BCAR3: variants seen among roughly 807,000 people sequenced by gnomAD.
BCAR3 encodes breast cancer anti-estrogen resistance protein 3.
A neutral mutation model predicts 80.1 loss-of-function variants in BCAR3; 37 were observed. The observed-to-expected ratio is 0.46, with a 90% CI of 0.36 to 0.61. The LOEUF is 0.61. Ranked by LOEUF, BCAR3 falls within the 20% of genes least tolerant of loss-of-function variation. BCAR3 has a pLI of 0.00. For missense variants in BCAR3, 978 were observed against 1,068.2 expected, an observed-to-expected ratio of 0.92 and a Z score of 1.18; for synonymous variants, 389 against 418.9, an observed-to-expected ratio of 0.93 and a Z score of 0.87.
chr1:93,786,192 C>CAAAAAAAAAAAAAAAAA lies in BCAR3; in HGVS notation c.-63+59358_-63+59374dup, dbSNP rs61644309. Among the ~76,000 whole-genome samples the CAAAAAAAAAAAAAAAAA allele has an allele frequency of 4.7e-4, 11 of 23,248 alleles. 3 individuals are homozygous for CAAAAAAAAAAAAAAAAA. The highest frequency in any genetic ancestry group is 6.4e-4 in the Non-Finnish European group (9 of 14,020). 15.3% of individuals were successfully genotyped at this position (23,248 alleles called of 152,430 possible). Reference sequence around the variant, plus strand: ...TGGGCGTCAGAGCGAGACTCCGTCTCAAAAAAAAAAAAAAAAAAAAAAAAA... The same window carrying CAAAAAAAAAAAAAAAAA: ...TGGGCGTCAGAGCGAGACTCCGTCTCAAAAAAAAAAAAAAAAAAAAAAAAAAAAAAAAAAAAAAAAAA... On this transcript the variant is annotated intron_variant, in intron 2 of 13. Coordinates refer to the BCAR3 transcript ENST00000370244.
At chr1:93,731,043 T>C (rs1650769185) in intron 2 of BCAR3, among the ~76,000 whole-genome samples, 1 of 152,152 alleles carries the variant, frequency 6.6e-6, no homozygotes, top group African/African-American at 2.4e-5. Context: ...AGTCTAGCCA[T>C]GGGAGAAGCA....
At chr1:93,840,338 T>C (rs747651039) in intron 2 of BCAR3, among the ~76,000 whole-genome samples, 3 of 152,208 alleles carry the variant, frequency 2.0e-5, no homozygotes, top group Non-Finnish European at 4.4e-5. Flanking sequence ...GGGGCAATGA[T>C]CCTGCCTACC....
chr1:93,787,606 G>A (rs1557688625), intron 2 of BCAR3, among the ~76,000 whole-genome samples: 2 of 152,080 alleles, frequency 1.3e-5, no homozygotes, highest in Non-Finnish European at 2.9e-5. Context: ...TAATTTTCAT[G>A]TATCTGCATT....
At chr1:93,660,996 C>T (rs536023325) in intron 2 of BCAR3, among the ~76,000 whole-genome samples, 2 of 152,326 alleles carry the variant, frequency 1.3e-5, no homozygotes, top group Admixed American at 1.3e-4. Flanking sequence ...CCTGCCTCAG[C>T]CTCCCAAATA....
chr1:93,845,501 T>TTGTC lies in BCAR3; in HGVS notation c.-63+65_-63+66insGACA, dbSNP rs1187622336. The TTGTC allele has an allele frequency of 3.6e-3, 351 of 96,302 alleles. 22 individuals carry two copies. Among genetic ancestry groups the TTGTC allele is most frequent in the Middle Eastern group, 0.011 (2 of 178 alleles). The allele number at this position is 96,302 out of a possible 1,614,324, so 6.0% of individuals were successfully genotyped here. The stretch of plus-strand genomic sequence containing the variant: ...ATATATATATATATATATATATATA[T>TTGTC]AAAACTTTGTTTACATTAGAGTATA... On this transcript the variant is annotated intron_variant, in intron 2 of 13. Coordinates refer to the BCAR3 transcript ENST00000370244.
intron 2 of BCAR3, among the ~76,000 whole-genome samples, chr1:93,653,086 C>T (rs1647205052): frequency 6.6e-6 from 1 of 152,200 alleles, no homozygotes; most frequent in African/African-American, 2.4e-5. Context: ...TTCACTAGTA[C>T]AGACCTTCTT....
At chr1:93,754,343 T>C (rs1315402660) in intron 2 of BCAR3, 1 of 152,210 alleles carries the variant, frequency 6.6e-6, no homozygotes, top group African/African-American at 2.4e-5. Flanking sequence ...GCCTCCATTG[T>C]TCCCTGAACA....
intron 2 of BCAR3, among the ~76,000 whole-genome samples, chr1:93,659,744 A>G (rs1647562519): frequency 6.6e-6 from 1 of 151,844 alleles, no homozygotes; most frequent in Admixed American, 6.6e-5. Flanking sequence ...AAATTTAACT[A>G]CTTGGAATTA....
intron 1 of BCAR3, among the ~76,000 whole-genome samples, chr1:93,679,012 A>G (rs2101952707): frequency 6.6e-6 from 1 of 152,342 alleles, no homozygotes; most frequent in East Asian, 1.9e-4. Flanking sequence ...TTTAAAAATA[A>G]AATGGTATGA....
chr1:93,620,400 C>T (rs894125011), intron 3 of BCAR3, among the ~76,000 whole-genome samples: 9 of 152,204 alleles, frequency 5.9e-5, no homozygotes, highest in African/African-American at 2.2e-4. Flanking sequence ...TAACAGGCAG[C>T]AGGTGTATCC....
At chr1:93,647,447 G>A (rs567118024) in intron 2 of BCAR3, among the ~76,000 whole-genome samples, 2 of 152,288 alleles carry the variant, frequency 1.3e-5, no homozygotes, top group South Asian at 2.1e-4. Flanking sequence ...AATTTAAGAT[G>A]TTTAAACAAG....
chr1:93,688,524 C>T (rs547816603), intron 3 of BCAR3, among the ~76,000 whole-genome samples: 1 of 152,130 alleles, frequency 6.6e-6, no homozygotes, highest in South Asian at 2.1e-4. Flanking sequence ...ACACAGCTTT[C>T]CTTTCCAGTT....
At chr1:93,580,276 C>T (rs966419799) in intron 7 of BCAR3, among the ~76,000 whole-genome samples, 1 of 152,192 alleles carries the variant, frequency 6.6e-6, no homozygotes, top group Admixed American at 6.5e-5. Flanking sequence ...TGATTCAACA[C>T]ATAGGAAGGA....
At chr1:93,643,774 T>C (rs929421185) in intron 2 of BCAR3, among the ~76,000 whole-genome samples, 1 of 152,046 alleles carries the variant, frequency 6.6e-6, no homozygotes, top group African/African-American at 2.4e-5. Flanking sequence ...GCTGAGTAGA[T>C]TTCAACTGAT....
intron 3 of BCAR3, among the ~76,000 whole-genome samples, chr1:93,608,398 A>G (rs758353921): frequency 8.5e-5 from 13 of 152,214 alleles, no homozygotes; most frequent in Non-Finnish European, 1.8e-4. Context: ...AAGGCCCCCA[A>G]GCTATCACTG....
chr1:93,736,372 A>G (rs1343519010), intron 2 of BCAR3, among the ~76,000 whole-genome samples: 3 of 152,180 alleles, frequency 2.0e-5, no homozygotes, highest in Non-Finnish European at 4.4e-5. Flanking sequence ...TATTTTTAGT[A>G]GAAACGGGGT....
chr1:93,689,036 A>T (rs536725435), intron 3 of BCAR3, among the ~76,000 whole-genome samples: 9 of 152,336 alleles, frequency 5.9e-5, no homozygotes, highest in Non-Finnish European at 1.3e-4. Context: ...TTGAGCATCT[A>T]CCATATGGAA....
intron 5 of BCAR3, 64 bp from the exon 6 acceptor site, chr1:93,584,185 A>C: frequency 6.9e-7 from 1 of 1,439,354 alleles, no homozygotes; most frequent in Non-Finnish European, 9.6e-7. Context: ...CTTTTAGGCA[A>C]TGCCATGGGA....
At chr1:93,690,374 G>A (rs1649146783) in intron 3 of BCAR3, among the ~76,000 whole-genome samples, 1 of 152,180 alleles carries the variant, frequency 6.6e-6, no homozygotes, top group African/African-American at 2.4e-5. Context: ...GCCTGGTACT[G>A]TTCTAAGAAC....
Sources: allele counts gnomAD v4.1 joint callset (sites outside exome capture counted in the v4.1 genomes callset), GRCh38; gene constraint gnomAD v4.1.1; transcripts MANE v1.5; gene names NCBI Gene and HGNC (gene_info 2026-07-23, HGNC 2026-07-21).